Variants in ECT2L observed in about 807,000 individuals in gnomAD.
ECT2L encodes the protein epithelial cell-transforming sequence 2 oncogene-like.
ECT2L carries 126 observed loss-of-function variants against 122.8 expected under a neutral mutation model. The observed-to-expected ratio is 1.03, with a 90% CI of 0.89 to 1.19. The LOEUF is 1.19. ECT2L is among the 50% of genes most tolerant of loss of function. The pLI, the probability that ECT2L is intolerant of heterozygous loss-of-function variation, is 0.00. For synonymous variants in ECT2L, 385 were observed against 381.8 expected (o/e 1.01, Z -0.10); for missense variants, 1,012 against 1,064.1 (o/e 0.95, Z 0.68).
intron 4 of ECT2L, among the ~76,000 whole-genome samples, chr6:138,824,461 C>T (rs1776361409): frequency 6.9e-6 from 1 of 145,614 alleles, no homozygotes; most frequent in South Asian, 2.1e-4. Context: ...AAGTATGCAG[C>T]AGAACTCCAA....
intron 4 of ECT2L, among the ~76,000 whole-genome samples, chr6:138,828,415 C>T (rs940508407): frequency 1.3e-5 from 2 of 152,162 alleles, no homozygotes; most frequent in African/African-American, 2.4e-5. Flanking sequence ...CTGATTGTAA[C>T]CTTCTGCCTC....
intron 10 of ECT2L, among the ~76,000 whole-genome samples, chr6:138,855,205 C>A (rs913587198): frequency 1.3e-5 from 2 of 151,820 alleles, no homozygotes; most frequent in Non-Finnish European, 2.9e-5. Context: ...TATTAAATCT[C>A]ATTTATGTAG....
chr6:138,810,748 A>T (rs1001034909), intron 1 of ECT2L, among the ~76,000 whole-genome samples: 1 of 152,190 alleles, frequency 6.6e-6, no homozygotes, highest in Admixed American at 6.5e-5. Flanking sequence ...TTGTTCCACC[A>T]TGATATATAT....
intron 13 of ECT2L, among the ~76,000 whole-genome samples, chr6:138,871,800 A>C (rs537114824): frequency 6.6e-6 from 1 of 151,854 alleles, no homozygotes; most frequent in Admixed American, 6.6e-5. Context: ...GTGAGACCCT[A>C]TCTCAAAAAC....
intron 10 of ECT2L, among the ~76,000 whole-genome samples, chr6:138,855,305 C>T (rs1207341367): frequency 2.0e-5 from 3 of 151,888 alleles, no homozygotes; most frequent in South Asian, 2.1e-4. Flanking sequence ...GTCAGGAGTT[C>T]GAGACTAGCC....
intron 11 of ECT2L, 125 bp downstream of exon 11, chr6:138,862,844 C>A (rs1777886133): frequency 2.9e-6 from 2 of 685,048 alleles, no homozygotes; most frequent in South Asian, 2.2e-5. Context: ...CATTCCTCCC[C>A]TGAAGGAACG....
In ECT2L at chr6:138,894,049, C is replaced by T. The variant is rs573912544; in HGVS notation, c.2414+5018C>T. Among the ~76,000 whole-genome samples, 3 of 152,194 alleles carry T rather than the reference C, an allele frequency of 2.0e-5. No homozygotes were observed. The South Asian group carries it at 6.2e-4, about 32-fold the overall frequency. Reference sequence around the variant, plus strand: ...GAGGACAGAATTACCAACTTCCAAGCTCTTTCTTTTTAATTATTATTTTTT... The same window carrying T: ...GAGGACAGAATTACCAACTTCCAAGTTCTTTCTTTTTAATTATTATTTTTT... On this transcript the variant is annotated intron_variant, in intron 20 of 21. Coordinates refer to ENST00000541398, the MANE Select transcript of ECT2L (RefSeq NM_001077706.3).
Position 138,843,235 on chromosome 6 carries a change from A to C in ECT2L, c.595+4A>C. 1 of 1,583,290 alleles carries C rather than the reference A, an allele frequency of 6.3e-7. No individual in the cohort carries two copies. The highest frequency in any genetic ancestry group is 8.6e-7 in the Non-Finnish European group (1 of 1,164,098). On this transcript the variant is annotated splice_donor_region_variant and intron_variant, in intron 6 of 21. Coordinates refer to ENST00000541398, the MANE Select transcript of ECT2L (RefSeq NM_001077706.3). ...GAGAAAATTGCACTACGTAAGAGTA[A>C]GTAGCATTTTAAACCTTTATATCTT...
chr6:138,885,787 C>G lies in ECT2L; in HGVS notation c.2216C>G (p.Thr739Ser). The change falls in exon 18 of 22, where the codon ACT becomes AGT. Residue 739 changes from threonine (T) to serine (S), a missense_variant. Physicochemically the swap from Thr to Ser is moderately conservative, Grantham distance 58 (BLOSUM62 1). Transcript: ENST00000541398. Reference protein sequence around the residue: ...AEHVDRGDLTTAIDQIKKYKG... With the variant: ...AEHVDRGDLTSAIDQIKKYKG... ...CATGTTGACCGTGGGGACTTGACCA[C>G]TGCAATTGACCAAATCAAAAAATAT... is the stretch of plus-strand genomic sequence containing the variant. 6.2e-7 allele frequency: 1 copy of G among 1,614,198 alleles called. No individual in the cohort carries two copies. The highest frequency in any genetic ancestry group is 1.1e-5 in the South Asian group (1 of 91,088).
intron 4 of ECT2L, among the ~76,000 whole-genome samples, chr6:138,829,694 C>T (rs1455533885): frequency 1.3e-5 from 2 of 151,916 alleles, no homozygotes. Flanking sequence ...CATTTAGGGA[C>T]ATAGAGTCAA....
chr6:138,843,068 T>C lies in ECT2L; in HGVS notation c.432T>C (p.His144=). The change falls in exon 6 of 22, where the codon CAT becomes CAC. Residue 144 remains histidine, a synonymous_variant. Transcript: ENST00000541398. ...TDNEYGAWKR[H]YIACVSHLDW... ...ATGAGTATGGTGCTTGGAAGCGCCATTACATTGCTTGTGTGTCCCACTTAG... is the reference window on the plus strand; with the variant it reads ...ATGAGTATGGTGCTTGGAAGCGCCACTACATTGCTTGTGTGTCCCACTTAG... The C allele has an allele frequency of 6.2e-7, 1 of 1,613,874 alleles. No individual in the cohort carries two copies. The highest frequency in any genetic ancestry group is 8.5e-7 in the Non-Finnish European group (1 of 1,179,816).
At chr6:138,854,917 A>T (rs1777564878) in intron 10 of ECT2L, among the ~76,000 whole-genome samples, 1 of 152,218 alleles carries the variant, frequency 6.6e-6, no homozygotes, top group Admixed American at 6.5e-5. Context: ...GCATTCATGC[A>T]CAATGTTTAC....
chr6:138,822,745 C>T (rs1372423503), intron 4 of ECT2L: 1 of 1,588,230 alleles, frequency 6.3e-7, no homozygotes, highest in Non-Finnish European at 8.6e-7. Context: ...GAGATTGGAG[C>T]CATGGCTTTG....
At position 138,868,226 on chromosome 6, in the gene ECT2L, A is replaced by G; in HGVS notation, c.1578+20A>G. On this transcript the variant is annotated intron_variant, in intron 13 of 21. Transcript: ENST00000541398. The stretch of plus-strand genomic sequence containing the variant: ...GATTCTGTAAGTGTTTCTTTGAAGA[A>G]AGTAAACTATGAAAACCAACATTTA... 6.3e-7 allele frequency: 1 copy of G among 1,592,880 alleles called. No homozygotes were observed. The highest frequency in any genetic ancestry group is 8.6e-7 in the Non-Finnish European group (1 of 1,166,456).
rs779141091 is a variant in ECT2L at position 138,843,127 on chromosome 6, A to C, written c.491A>C (p.Tyr164Ser). The change falls in exon 6 of 22, where the codon TAT becomes TCT. Residue 164 changes from tyrosine to serine, a missense_variant. Transcript: ENST00000541398. ...ACACCTAGGGAGGCTGCTGCTACTT[A>C]TGGGACGCTGAATGAACCCAAAACA... Reference protein sequence around the residue: ...WLTPREAAATYGTLNEPKTED... With the variant: ...WLTPREAAATSGTLNEPKTED... 2 of 1,614,186 alleles carry C rather than the reference A, an allele frequency of 1.2e-6. No individual in the cohort carries two copies. The highest frequency in any genetic ancestry group is 1.7e-6 in the Non-Finnish European group (2 of 1,179,998).
chr6:138,803,168 A>G (rs1218626613), intron 1 of ECT2L, among the ~76,000 whole-genome samples: 1 of 151,932 alleles, frequency 6.6e-6, no homozygotes, highest in Non-Finnish European at 1.5e-5. Flanking sequence ...GAGGCCAGAG[A>G]ATCACTTGAG....
intron 14 of ECT2L, among the ~76,000 whole-genome samples, chr6:138,880,000 G>A (rs1445552420): frequency 1.3e-5 from 2 of 151,994 alleles, no homozygotes; most frequent in Admixed American, 6.6e-5. Flanking sequence ...AACAACAGTT[G>A]GAAACATAAC....
At chr6:138,865,396 T>C (rs756844607) in intron 12 of ECT2L, among the ~76,000 whole-genome samples, 14 of 152,216 alleles carry the variant, frequency 9.2e-5, no homozygotes, top group Non-Finnish European at 1.6e-4. Context: ...GTTCTTATTT[T>C]AACATTTTAC....
intron 12 of ECT2L, among the ~76,000 whole-genome samples, chr6:138,867,560 A>T (rs1454287289): frequency 6.6e-6 from 1 of 151,586 alleles, no homozygotes; most frequent in Non-Finnish European, 1.5e-5. Flanking sequence ...CTGTAATCCC[A>T]GCACTTTGGG....
Sources: allele counts gnomAD v4.1 joint callset (sites outside exome capture counted in the v4.1 genomes callset), GRCh38; gene constraint gnomAD v4.1.1; transcripts MANE v1.5; gene names NCBI Gene and HGNC (gene_info 2026-07-23, HGNC 2026-07-21).